Variants in LCMT2 observed in about 807,000 individuals in gnomAD.
LCMT2 encodes tRNA wybutosine-synthesizing protein 4.
In LCMT2, 34 loss-of-function variants were observed where a neutral mutation model predicts 42.0. The ratio of observed to expected loss-of-function variants is 0.81; its 90% CI spans 0.62 to 1.08. LCMT2 has a LOEUF of 1.08. Ranked by LOEUF, LCMT2 falls within the 50% of genes least tolerant of loss-of-function variation. LCMT2 has a pLI of 0.00. For missense variants in LCMT2, 1,091 were observed against 889.4 expected (o/e 1.23, Z -2.88); for synonymous variants, 445 against 369.5 (o/e 1.20, Z -2.34).
At position 43,329,319 on chromosome 15, in the gene LCMT2, A is replaced by G. The variant is rs780859201; in HGVS notation, c.1171T>C (p.Leu391=). The change falls in exon 1 of 1, where the codon TTG becomes CTG. Residue 391 remains leucine (L), a synonymous_variant. Transcript: ENST00000305641. ...GRHCRVSQFH[L]LSRDCDSEWK... ...TCAGAGTCACAATCTCTTGAGAGCA[A>G]GTGAAACTGGCTCACTCGGCAGTGC... 15 of 1,614,106 alleles carry G rather than the reference A, an allele frequency of 9.3e-6. No homozygotes were observed. In the South Asian group the frequency reaches 1.6e-4, roughly 18 times the overall value.
Position 43,330,308 on chromosome 15 carries a change from C to T in LCMT2, c.182G>A (p.Arg61His). The T allele has an allele frequency of 1.3e-6, 2 of 1,593,146 alleles. No individual in the cohort carries two copies. The highest frequency in any genetic ancestry group is 1.7e-6 in the Non-Finnish European group (2 of 1,175,982). ...LIHRGYYVRA[R>H]AVRHCVRAFL... ...AGCGCGCACGCAGTGCCTCACGGCG[C>T]GTGCGCGGACGTAGTAGCCTCGGTG... Residue 61 changes from arginine (R) to histidine (H), a missense_variant, in exon 1 of 1, where the codon CGC (arginine) becomes CAC (histidine). Physicochemically the swap from Arg to His is conservative, Grantham distance 29. Coordinates refer to ENST00000305641, the MANE Select transcript of LCMT2 (RefSeq NM_014793.5).
chr15:43,327,086 T>C lies in LCMT2; in HGVS notation c.*1343A>G, dbSNP rs1161921648. On this transcript the variant is annotated 3_prime_UTR_variant, in exon 1 of 1. Coordinates refer to ENST00000305641, the MANE Select transcript of LCMT2 (RefSeq NM_014793.5). ...ATTTTAAGGATGAATAGCTATTTCA[T>C]TGATCTCACATGGCTCACTAGGCAA... 1 of 152,238 alleles carries C rather than the reference T, an allele frequency of 6.6e-6. No individual in the cohort carries two copies. Among genetic ancestry groups the C allele is most frequent in the African/African-American group, 2.4e-5 (1 of 41,468 alleles). 9.4% of individuals were successfully genotyped at this position (152,238 alleles called of 1,614,324 possible). A position where few individuals can be genotyped will look rare whatever the true frequency, so the allele number is the denominator to read the frequency against.
In LCMT2 at chr15:43,329,893, G is replaced by A. The variant is rs762218027; in HGVS notation, c.597C>T (p.Ala199=). 1.3e-5 allele frequency: 21 copies of A among 1,613,084 alleles called. No homozygotes were observed. In the East Asian group the frequency reaches 4.0e-4, roughly 31 times the overall value. The part of the protein sequence containing the change: ...AVLTYLEPES[A]AALIAWAAQR... ...GGGCTGCCCAGGCGATGAGGGCCGC[G>A]GCACTCTCCGGCTCGAGGTAGGTCA... is the stretch of plus-strand genomic sequence containing the variant. The change falls in exon 1 of 1, where the codon GCC becomes GCT. Residue 199 remains alanine, a synonymous_variant. Coordinates refer to ENST00000305641, the MANE Select transcript of LCMT2 (RefSeq NM_014793.5).
Position 43,329,183 on chromosome 15 carries a change from C to A in LCMT2, c.1307G>T (p.Arg436Ile), listed in dbSNP as rs1204550029. The A allele has an allele frequency of 6.2e-7, 1 of 1,614,072 alleles. No individual in the cohort carries two copies. The highest frequency in any genetic ancestry group is 8.5e-7 in the Non-Finnish European group (1 of 1,180,034). ...SESRVLVLGG[R>I]LSPVSPALGV... ...CAAGGCTGGACTTACTGGGGACAGTCTCCCTCCCAGAACCAGAACCCGACT... is the reference window on the plus strand; with the variant it reads ...CAAGGCTGGACTTACTGGGGACAGTATCCCTCCCAGAACCAGAACCCGACT... The change falls in exon 1 of 1, where the codon AGA becomes ATA. Residue 436 changes from arginine (R) to isoleucine (I), a missense_variant. By Grantham distance (97) the Arg-to-Ile change is moderately conservative (BLOSUM62 -3). Coordinates refer to ENST00000305641, the MANE Select transcript of LCMT2 (RefSeq NM_014793.5).
chr15:43,324,812 CAT>C lies in LCMT2; in HGVS notation c.*3615_*3616del. 6.6e-6 allele frequency: 1 copy of C among 152,314 alleles called. No individual in the cohort carries two copies. The highest frequency in any genetic ancestry group is 2.4e-5 in the African/African-American group (1 of 41,538). 9.4% of individuals were successfully genotyped at this position (152,314 alleles called of 1,614,324 possible). A position where few individuals can be genotyped will look rare whatever the true frequency, so the allele number is the denominator to read the frequency against. ...TATAGGGCTGTTTTCCAGGAGATGA[CAT>C]GTGGGATAAGTCCCAGGGTAAGCAT... On this transcript the variant is annotated 3_prime_UTR_variant, in exon 1 of 1. Coordinates refer to ENST00000305641, the MANE Select transcript of LCMT2 (RefSeq NM_014793.5).
chr15:43,328,573 CATT>C lies in LCMT2; in HGVS notation c.1914_1916del (p.Met639del). ...GAAGGATACTAGTATGGTTGTGTAA[CATT>C]AATGGCCATGGCACATATGTTGTGT... On this transcript the variant is annotated inframe_deletion, in exon 1 of 1. Transcript: ENST00000305641. 6.2e-7 allele frequency: 1 copy of C among 1,614,208 alleles called. No individual in the cohort carries two copies. The highest frequency in any genetic ancestry group is 8.5e-7 in the Non-Finnish European group (1 of 1,180,048).
rs754683790 is a variant in LCMT2, at chr15:43,330,400, G to T, written c.90C>A (p.Arg30=). The change falls in exon 1 of 1, where the codon CGC becomes CGA. Residue 30 remains arginine, a synonymous_variant. Transcript: ENST00000305641. The part of the protein sequence containing the change: ...SALSKRSLAA[R]GYVQDPFAAL... ...CGGCAAAGGGGTCCTGCACGTACCC[G>T]CGCGCGGCCAGGGAACGCTTGCTGA... 6.5e-7 allele frequency: 1 copy of T among 1,538,198 alleles called. No homozygotes were observed. Among genetic ancestry groups the T allele is most frequent in the Non-Finnish European group, 8.7e-7 (1 of 1,146,486 alleles).
In LCMT2 at chr15:43,330,498, G is replaced by A. The variant is rs528418091; in HGVS notation, c.-9C>T. On this transcript the variant is annotated 5_prime_UTR_variant, in exon 1 of 1. Coordinates refer to ENST00000305641, the MANE Select transcript of LCMT2 (RefSeq NM_014793.5). ...CGGCTCCGGGGGCCCATGGCCAGAA[G>A]AGACTCAGGAATGGCAGTCTGTCAC... 1 of 1,515,474 alleles carries A rather than the reference G, an allele frequency of 6.6e-7. No homozygotes were observed. Among genetic ancestry groups the A allele is most frequent in the Non-Finnish European group, 8.8e-7 (1 of 1,136,134 alleles). The allele number at this position is 1,515,474 out of a possible 1,614,324, so 93.9% of individuals were successfully genotyped here.
In LCMT2 at chr15:43,330,539, C is replaced by G. The variant is rs753392967; in HGVS notation, c.-50G>C. On this transcript the variant is annotated 5_prime_UTR_variant, in exon 1 of 1. Coordinates refer to ENST00000305641, the MANE Select transcript of LCMT2 (RefSeq NM_014793.5). ...AGTCTGTCACGGTTGTGAGCCGCCC[C>G]TTGGTTAGCACACACCTCACGGACC... 1.3e-6 allele frequency: 2 copies of G among 1,504,902 alleles called. No individual in the cohort carries two copies. The highest frequency in any genetic ancestry group is 1.8e-6 in the Non-Finnish European group (2 of 1,130,996). 93.2% of individuals were successfully genotyped at this position (1,504,902 alleles called of 1,614,324 possible).
In LCMT2 at chr15:43,328,776, A is replaced by G. The variant is rs2043135412; in HGVS notation, c.1714T>C (p.Phe572Leu). ...TGGATGTCTACTGACTCCCAGAGGA[A>G]TCCACAAGAGATTGGTCTCAGAAAG... ...VLFLRPISCG[F>L]LWESVDIQPP... is the part of the protein sequence containing the mutation. Residue 572 changes from phenylalanine (F) to leucine (L), a missense_variant, in exon 1 of 1, where the codon TTC becomes CTC. Coordinates refer to ENST00000305641, the MANE Select transcript of LCMT2 (RefSeq NM_014793.5). 1.2e-6 allele frequency: 2 copies of G among 1,613,574 alleles called. No individual in the cohort carries two copies. Among genetic ancestry groups the G allele is most frequent in the South Asian group, 1.1e-5 (1 of 91,080 alleles).
At position 43,328,754 on chromosome 15, in the gene LCMT2, ATGT is replaced by A; in HGVS notation, c.1733_1735del (p.Asp578_Ile579delinsVal). 1.2e-6 allele frequency: 2 copies of A among 1,613,764 alleles called. No individual in the cohort carries two copies. On this transcript the variant is annotated inframe_deletion, in exon 1 of 1. Transcript: ENST00000305641. ...GTACCTTGGGGTAATGGGAGGCTGG[ATGT>A]CTACTGACTCCCAGAGGAATCCACA...
At position 43,327,436 on chromosome 15, in the gene LCMT2, G is replaced by A. The variant is rs1406641558; in HGVS notation, c.*993C>T. On this transcript the variant is annotated 3_prime_UTR_variant, in exon 1 of 1. Transcript: ENST00000305641. The stretch of plus-strand genomic sequence containing the variant: ...CATCACAACTCCTAGGCCTGAAAAG[G>A]TGAAGTAAAGGAACAATTACTGAAA... 6.6e-6 allele frequency: 1 copy of A among 152,246 alleles called. No homozygotes were observed. Among genetic ancestry groups the A allele is most frequent in the African/African-American group, 2.4e-5 (1 of 41,450 alleles). 9.4% of individuals were successfully genotyped at this position (152,246 alleles called of 1,614,324 possible).
rs1276096056 is a variant in LCMT2 at position 43,330,346 on chromosome 15, G to A, written c.144C>T (p.Arg48=). ...AALLVPGAAR[R]APLIHRGYYV... is the part of the protein sequence containing the mutation. ...AGTAGCCTCGGTGAATGAGCGGTGCGCGGCGCGCCGCGCCCGGAACCAGCA... is the reference window on the plus strand; with the variant it reads ...AGTAGCCTCGGTGAATGAGCGGTGCACGGCGCGCCGCGCCCGGAACCAGCA... Residue 48 remains arginine (R), a synonymous_variant, in exon 1 of 1, where the codon CGC becomes CGT. Transcript: ENST00000305641. The A allele has an allele frequency of 1.2e-6, 2 of 1,603,360 alleles. No homozygotes were observed. Among genetic ancestry groups the A allele is most frequent in the African/African-American group, 1.3e-5 (1 of 74,362 alleles).
rs539956187 is a variant in LCMT2, at chr15:43,330,086, A to C, written c.404T>G (p.Leu135Ter). ...RIGETPELCA[L>*]TGPFERGEPA... Reference sequence around the variant, plus strand: ...CTCCCCCCTCTCGAAAGGCCCGGTTAACGCGCACAGCTCTGGCGTCTCTCC... The same window carrying C: ...CTCCCCCCTCTCGAAAGGCCCGGTTCACGCGCACAGCTCTGGCGTCTCTCC... Residue 135 changes from leucine (L) to a stop codon, truncating the protein, a stop_gained, in exon 1 of 1, where the codon TTA (leucine) becomes TGA (stop). Transcript: ENST00000305641. LOFTEE classifies it high-confidence loss of function. 44 of 1,612,178 alleles carry C rather than the reference A, an allele frequency of 2.7e-5. No homozygotes were observed. In the South Asian group the frequency reaches 4.0e-4, roughly 14 times the overall value.
Position 43,328,298 on chromosome 15 carries a change from T to G in LCMT2, c.*131A>C. The G allele has an allele frequency of 1.0e-6, 1 of 986,060 alleles. No homozygotes were observed. The highest frequency in any genetic ancestry group is 2.4e-5 in the East Asian group (1 of 40,960). 61.1% of individuals were successfully genotyped at this position (986,060 alleles called of 1,614,324 possible). A position where few individuals can be genotyped will look rare whatever the true frequency, so the allele number is the denominator to read the frequency against. ...TATTTTACCAACCTTTTTCACTTTT[T>G]GCACTGAATAGTGCTAAGGGAAAAA... is the stretch of plus-strand genomic sequence containing the variant. On this transcript the variant is annotated 3_prime_UTR_variant, in exon 1 of 1. Transcript: ENST00000305641.
In LCMT2 at chr15:43,328,585, T is replaced by A; in HGVS notation, c.1905A>T (p.Pro635=). 10 of 1,614,114 alleles carry A rather than the reference T, an allele frequency of 6.2e-6. No individual in the cohort carries two copies. Among genetic ancestry groups the A allele is most frequent in the Non-Finnish European group, 8.5e-6 (10 of 1,179,946 alleles). The change falls in exon 1 of 1, where the codon CCA becomes CCT. Residue 635 remains proline (P), a synonymous_variant. Transcript: ENST00000305641. ...TATGGTTGTGTAACATTAATGGCCA[T>A]GGCACATATGTTGTGTCAATCTGAT... is the stretch of plus-strand genomic sequence containing the variant. ...SEYQIDTTYV[P]WPLMLHNHTS... is the part of the protein sequence containing the mutation.
rs373115367 is a variant in LCMT2 at position 43,330,042 on chromosome 15, A to G, written c.448T>C (p.Phe150Leu). 5 of 1,612,570 alleles carry G rather than the reference A, an allele frequency of 3.1e-6. No individual in the cohort carries two copies. The Admixed American group carries it at 8.3e-5, about 27-fold the overall frequency. ...AGGATGCAGTAGTCTGCGCTCTCAA[A>G]GCACAGCGCGGACGCGGGCTCCCCC... ...ERGEPASALCFESADYCILGL... is the reference protein window; with the variant it reads ...ERGEPASALCLESADYCILGL... Residue 150 changes from phenylalanine to leucine, a missense_variant, in exon 1 of 1, where the codon TTT (phenylalanine) becomes CTT (leucine). Physicochemically the swap from Phe to Leu is conservative, Grantham distance 22. Transcript: ENST00000305641.
rs1207174922 is a variant in LCMT2, at chr15:43,329,958, C to A, written c.532G>T (p.Asp178Tyr). 2 of 1,612,282 alleles carry A rather than the reference C, an allele frequency of 1.2e-6. No individual in the cohort carries two copies. Among genetic ancestry groups the A allele is most frequent in the Non-Finnish European group, 1.7e-6 (2 of 1,179,782 alleles). ...VEEALGAAGL[D>Y]AASPTLLLAE... ...AGGAGCAGAGTGGGTGAGGCTGCGT[C>A]GAGCCCCGCGGCGCCCAGGGCCTCC... Residue 178 changes from aspartate (D) to tyrosine (Y), a missense_variant, in exon 1 of 1, where the codon GAC (aspartate) becomes TAC (tyrosine). Transcript: ENST00000305641.
rs1277551739 is a variant in LCMT2 at position 43,328,838 on chromosome 15, C to G, written c.1652G>C (p.Gly551Ala). The G allele has an allele frequency of 1.2e-6, 2 of 1,613,592 alleles. No homozygotes were observed. Among genetic ancestry groups the G allele is most frequent in the African/African-American group, 2.7e-5 (2 of 74,922 alleles). Residue 551 changes from glycine to alanine, a missense_variant, in exon 1 of 1, where the codon GGT becomes GCT. Gly to Ala is a moderately conservative substitution (Grantham distance 60). Coordinates refer to ENST00000305641, the MANE Select transcript of LCMT2 (RefSeq NM_014793.5). Reference protein sequence around the residue: ...TWQGGALIAGGLGASEEPLNS... With the variant: ...TWQGGALIAGALGASEEPLNS... Reference sequence around the variant, plus strand: ...CAATGGCTCCTCAGAAGCCCCGAGACCTCCAGCAATAAGGGCTCCCCCTTG... The same window carrying G: ...CAATGGCTCCTCAGAAGCCCCGAGAGCTCCAGCAATAAGGGCTCCCCCTTG...
Sources: gnomAD v4.1 joint callset for allele counts on GRCh38, gnomAD v4.1.1 for gene constraint, MANE v1.5 for transcripts, NCBI Gene and HGNC (gene_info 2026-07-23, HGNC 2026-07-21) for gene names.